Variants in EYA1 observed in about 807,000 individuals in gnomAD.
The protein encoded by EYA1 is EYA transcriptional coactivator and phosphatase 1.
In EYA1, 16 loss-of-function variants were observed where a neutral mutation model predicts 82.0. That is an observed-to-expected ratio of 0.20 (90% confidence interval 0.13 to 0.30). The LOEUF (loss-of-function observed/expected upper bound fraction) is 0.30, where lower values mean the gene tolerates loss of function less well. EYA1 is among the 10% of genes least tolerant of loss of function. The probability of loss-of-function intolerance (pLI) is 1.00; values close to 1 mark genes in which losing one functional copy is unlikely to be tolerated. For synonymous variants in EYA1, 261 were observed against 264.4 expected (o/e 0.99, Z 0.12); for missense variants, 633 against 730.7 (o/e 0.87, Z 1.54).
chr8:71,252,207 C>G (rs929406713), intron 11 of EYA1, among the ~76,000 whole-genome samples: 2 of 151,934 alleles, frequency 1.3e-5, no homozygotes, highest in Non-Finnish European at 2.9e-5. Flanking sequence ...TACCAAGACT[C>G]TCACACACAC....
In EYA1 at chr8:71,377,545, C is replaced by G. The variant is rs150529043; in HGVS notation, c.34-21034G>C. ...CCAATGGACACATTTCTGCCTTTAT[C>G]TTAATTGTCTTAATTACAGCATTTT... On this transcript the variant is annotated intron_variant, in intron 2 of 18. Coordinates refer to the EYA1 transcript ENST00000643681. Among the ~76,000 whole-genome samples the G allele has an allele frequency of 5.9e-3, 896 of 152,252 alleles. 17 individuals carry two copies. Among genetic ancestry groups the G allele is most frequent in the Non-Finnish European group, 5.8e-3 (397 of 68,012 alleles).
intron 4 of EYA1, among the ~76,000 whole-genome samples, chr8:71,331,803 C>T (rs1022827772): frequency 5.9e-5 from 9 of 152,102 alleles, no homozygotes; most frequent in African/African-American, 2.2e-4. Context: ...CCTTAAAATT[C>T]TTCCCTGTGT....
At chr8:71,292,586 T>C (rs1819124083) in intron 9 of EYA1, among the ~76,000 whole-genome samples, 1 of 152,088 alleles carries the variant, frequency 6.6e-6, no homozygotes, top group Non-Finnish European at 1.5e-5. Flanking sequence ...ATCTGTAAGA[T>C]GTTAATATCT....
chr8:71,407,463 T>C (rs1392287231), intron 2 of EYA1, among the ~76,000 whole-genome samples: 3 of 150,488 alleles, frequency 2.0e-5, no homozygotes, highest in Non-Finnish European at 4.4e-5. Flanking sequence ...GGCAAAGAAG[T>C]TGAAAACTTA....
At chr8:71,513,797 T>A (rs1385315057) in intron 2 of EYA1, among the ~76,000 whole-genome samples, 1 of 152,070 alleles carries the variant, frequency 6.6e-6, no homozygotes, top group Non-Finnish European at 1.5e-5. Flanking sequence ...TGTCCTTGAG[T>A]TCAATTAATT....
rs554777444 is a variant in EYA1 at position 71,197,738 on chromosome 8, C to A, written c.*1602G>T. The A allele has an allele frequency of 2.0e-5, 3 of 152,574 alleles. No individual in the cohort carries two copies. The highest frequency in any genetic ancestry group is 3.9e-4 in the East Asian group (2 of 5,192). The allele number at this position is 152,574 out of a possible 1,614,324, so 9.5% of individuals were successfully genotyped here. A position where few individuals can be genotyped will look rare whatever the true frequency, so the allele number is the denominator to read the frequency against. On this transcript the variant is annotated 3_prime_UTR_variant, in exon 18 of 18. Transcript: ENST00000340726. ...GAATGAAGTAGCTCTTCAACTACTTCGGGTCAAAGCTGGTGTTTTTCCCGC... is the reference window on the plus strand; with the variant it reads ...GAATGAAGTAGCTCTTCAACTACTTAGGGTCAAAGCTGGTGTTTTTCCCGC...
At chr8:71,289,718 G>A (rs1818788055) in intron 9 of EYA1, among the ~76,000 whole-genome samples, 1 of 152,176 alleles carries the variant, frequency 6.6e-6, no homozygotes, top group African/African-American at 2.4e-5. Context: ...AGCTGGGTGG[G>A]AATTATCTAA....
chr8:71,346,974 A>G (rs950779345), intron 3 of EYA1, among the ~76,000 whole-genome samples: 1 of 152,230 alleles, frequency 6.6e-6, no homozygotes, highest in Non-Finnish European at 1.5e-5. Flanking sequence ...CACTAGAGTG[A>G]ACACTTGTGT....
intron 2 of EYA1, among the ~76,000 whole-genome samples, chr8:71,428,361 G>A (rs1338153069): frequency 6.6e-6 from 1 of 152,176 alleles, no homozygotes; most frequent in Admixed American, 6.5e-5. Context: ...CTAATAAAAT[G>A]TCAGAATAAG....
Position 71,299,054 on chromosome 8 carries a change from G to T in EYA1, c.819C>A (p.Pro273=). ...TAATATTCACATAATTACCTGCTGT[G>T]GGATCTGTAACTGCTTGGCTGGTGA... ...SGITSQAVTD[P]TAEYSTIHSP... is the part of the protein sequence containing the mutation. The change falls in exon 9 of 18, where the codon CCC becomes CCA. Residue 273 remains proline, a synonymous_variant. Transcript: ENST00000340726. 6.2e-7 allele frequency: 1 copy of T among 1,613,698 alleles called. No homozygotes were observed. The highest frequency in any genetic ancestry group is 8.5e-7 in the Non-Finnish European group (1 of 1,179,660).
intron 2 of EYA1, among the ~76,000 whole-genome samples, chr8:71,405,430 C>A (rs1830166846): frequency 6.6e-6 from 1 of 152,190 alleles, no homozygotes; most frequent in Non-Finnish European, 1.5e-5. Flanking sequence ...GAGCCACCTG[C>A]TGTTTCTGGG....
chr8:71,425,104 C>CAAAAAAA (rs71264555), intron 2 of EYA1, among the ~76,000 whole-genome samples: 117 of 75,274 alleles, frequency 1.6e-3, no homozygotes, highest in Non-Finnish European at 2.0e-3. Flanking sequence ...ACTAAAAATA[C>CAAAAAAA]AAAAAAAAAA....
At chr8:71,208,959 A>C (rs950745843) in intron 17 of EYA1, among the ~76,000 whole-genome samples, 2 of 152,250 alleles carry the variant, frequency 1.3e-5, no homozygotes, top group African/African-American at 4.8e-5. Context: ...CTGCATTTTA[A>C]GTAATCACTT....
chr8:71,238,805 C>G (rs1293277844), intron 12 of EYA1, among the ~76,000 whole-genome samples: 1 of 151,958 alleles, frequency 6.6e-6, no homozygotes, highest in Non-Finnish European at 1.5e-5. Flanking sequence ...ATTGTACTGT[C>G]CAAAATTCCT....
At position 71,357,973 on chromosome 8, in the gene EYA1, CTT is replaced by C. The variant is rs747409634; in HGVS notation, c.-54-1464_-54-1463del. Among the ~76,000 whole-genome samples the C allele has an allele frequency of 1.6e-3, 231 of 143,946 alleles. 1 individual carries two copies. The highest frequency in any genetic ancestry group is 5.3e-3 in the African/African-American group (211 of 39,542). The allele number at this position is 143,946 out of a possible 152,430, so 94.4% of individuals were successfully genotyped here. On this transcript the variant is annotated intron_variant, in intron 1 of 17. Transcript: ENST00000340726. The stretch of plus-strand genomic sequence containing the variant: ...TACCTCAAGGATAAATTTCCTTTTT[CTT>C]TTTTTTTTTTCTCCACTTTTATACA...
chr8:71,312,346 T>C (rs1265453060), intron 7 of EYA1, among the ~76,000 whole-genome samples: 1 of 152,204 alleles, frequency 6.6e-6, no homozygotes, highest in African/African-American at 2.4e-5. Flanking sequence ...TCTAAGCCAT[T>C]CTCCGTTTTG....
chr8:71,263,319 C>T (rs905189206), intron 11 of EYA1, among the ~76,000 whole-genome samples: 14 of 152,282 alleles, frequency 9.2e-5, no homozygotes, highest in Non-Finnish European at 1.9e-4. Flanking sequence ...GGATTGAATG[C>T]TAATGATCCC....
At chr8:71,531,724 G>A (rs1003030066) in intron 2 of EYA1, among the ~76,000 whole-genome samples, 2 of 152,128 alleles carry the variant, frequency 1.3e-5, no homozygotes, top group Non-Finnish European at 2.9e-5. Context: ...TGCTAAGAGC[G>A]TGGAACTGTG....
At chr8:71,399,404 T>G (rs776190393) in intron 2 of EYA1, among the ~76,000 whole-genome samples, 4 of 152,226 alleles carry the variant, frequency 2.6e-5, no homozygotes, top group Non-Finnish European at 4.4e-5. Flanking sequence ...TCGGCTATCT[T>G]GGAACCTCCT....
Sources: gnomAD v4.1 joint callset for allele counts (sites outside exome capture counted in the v4.1 genomes callset) on GRCh38, gnomAD v4.1.1 for gene constraint, MANE v1.5 for transcripts, NCBI Gene and HGNC (gene_info 2026-07-23, HGNC 2026-07-21) for gene names.